ACAN: variants seen among roughly 807,000 people sequenced by gnomAD.
ACAN encodes the protein aggrecan core protein.
ACAN carries 47 observed loss-of-function variants against 169.1 expected under a neutral mutation model. The observed-to-expected ratio is 0.28, with a 90% CI of 0.22 to 0.35. The LOEUF is 0.35. Among genes scored for constraint, ACAN ranks in the 10% least tolerant of loss-of-function variants. The pLI is 1.00. For missense variants in ACAN, 2,716 were observed against 2,759.9 expected (o/e 0.98, Z 0.36); for synonymous variants, 1,115 against 1,112.2 (o/e 1.00, Z -0.05).
chr15:88,816,651 C>G (rs1237035041), intron 1 of ACAN, among the ~76,000 whole-genome samples: 1 of 152,182 alleles, frequency 6.6e-6, no homozygotes, highest in African/African-American at 2.4e-5. Flanking sequence ...CCTGGCTGTT[C>G]CATGCACTAT....
At chr15:88,853,753 G>C (rs4932437) in intron 11 of ACAN, among the ~76,000 whole-genome samples, 27,814 of 150,042 alleles carry the variant, frequency 0.19, 3,012 homozygotes, top group African/African-American at 0.31. Context: ...TAGATAGATA[G>C]ATACATACAT....
rs1596111760 is a variant in ACAN at position 88,812,395 on chromosome 15, C to G, written c.-8+8586C>G. Among the ~76,000 whole-genome samples, 7 of 152,318 alleles carry G rather than the reference C, an allele frequency of 4.6e-5. 1 individual carries two copies. The South Asian group carries it at 1.5e-3, about 32-fold the overall frequency. On this transcript the variant is annotated intron_variant, in intron 1 of 18. Coordinates refer to ENST00000560601, the MANE Select transcript of ACAN (RefSeq NM_001369268.1). ...TATTTGCATATTTCCTCTCAGCCCC[C>G]TGGGGATTGCAGAGGCATTTAGAAG...
At position 88,849,292 on chromosome 15, in the gene ACAN, G is replaced by C; in HGVS notation, c.1733-146G>C. 2.6e-6 allele frequency: 2 copies of C among 758,836 alleles called. No individual in the cohort carries two copies. Among genetic ancestry groups the C allele is most frequent in the Non-Finnish European group, 4.1e-6 (2 of 490,334 alleles). 47.0% of individuals were successfully genotyped at this position (758,836 alleles called of 1,614,324 possible). A position where few individuals can be genotyped will look rare whatever the true frequency, so the allele number is the denominator to read the frequency against. ...TTCCCAGGGTCCCAGAAAATCTAAG[G>C]GGGAGTGGTCAAAAAAGGGGTGATG... On this transcript the variant is annotated intron_variant, in intron 9 of 18. Coordinates refer to ENST00000560601, the MANE Select transcript of ACAN (RefSeq NM_001369268.1). The surrounding 1 kb of genome is among the most constrained non-coding windows in gnomAD (Gnocchi z 5.1).
chr15:88,818,010 T>C (rs1243220850), intron 1 of ACAN, among the ~76,000 whole-genome samples: 1 of 152,168 alleles, frequency 6.6e-6, no homozygotes, highest in Non-Finnish European at 1.5e-5. Flanking sequence ...AGAATGGAAT[T>C]GTATTCTATG....
In ACAN at chr15:88,859,155, G is replaced by A. The variant is rs529706918; in HGVS notation, c.6570G>A (p.Thr2190=). 40 of 1,613,796 alleles carry A rather than the reference G, an allele frequency of 2.5e-5. No homozygotes were observed. The Admixed American group carries it at 3.3e-4, about 13-fold the overall frequency. Residue 2190 remains threonine (T), a synonymous_variant, in exon 12 of 19, where the codon ACG becomes ACA. Coordinates refer to ENST00000560601, the MANE Select transcript of ACAN (RefSeq NM_001369268.1). ...EAPGLPSATP[T]ASGDRTEISG... ...CAGGCTTGCCTTCAGCCACTCCCAC[G>A]GCTTCTGGAGACAGGACTGAAATCA...
intron 1 of ACAN, among the ~76,000 whole-genome samples, chr15:88,827,071 T>C (rs67267535): frequency 0.041 from 6,184 of 152,220 alleles, 151 homozygotes; most frequent in South Asian, 0.09. Flanking sequence ...GTTCCTGACA[T>C]ACAGCAGGCC....
chr15:88,827,171 AG>A (rs368386992), intron 1 of ACAN, among the ~76,000 whole-genome samples: 2 of 152,094 alleles, frequency 1.3e-5, no homozygotes, highest in Non-Finnish European at 2.9e-5. Flanking sequence ...GAAGATAGAG[AG>A]GGGGTGACTG....
At chr15:88,817,358 G>A (rs1596115163) in intron 1 of ACAN, among the ~76,000 whole-genome samples, 1 of 152,136 alleles carries the variant, frequency 6.6e-6, no homozygotes, top group East Asian at 1.9e-4. Flanking sequence ...TAGCCAGAAT[G>A]GTCTTGCTCT....
intron 1 of ACAN, among the ~76,000 whole-genome samples, chr15:88,805,885 G>T (rs1306171794): frequency 1.3e-5 from 2 of 151,976 alleles, no homozygotes; most frequent in African/African-American, 2.4e-5. Context: ...ACACCCACAC[G>T]CCCAATCCCA....
chr15:88,857,299 G>A lies in ACAN; in HGVS notation c.4714G>A (p.Gly1572Arg). 1 of 1,613,958 alleles carries A rather than the reference G, an allele frequency of 6.2e-7. No homozygotes were observed. Among genetic ancestry groups the A allele is most frequent in the East Asian group, 2.2e-5 (1 of 44,886 alleles). The change falls in exon 12 of 19, where the codon GGA becomes AGA. Residue 1572 changes from glycine (G) to arginine (R), a missense_variant. Gly to Arg is a moderately radical substitution (Grantham distance 125). This residue lies in a region of ACAN where 1,389 missense variants were observed against 1,363.7 expected (regional missense o/e 1.02). Transcript: ENST00000560601. Reference sequence around the variant, plus strand: ...GACTGACCTCAGTGGGCTTCCTTCTGGAAGGGAGGGTCTAGAGACTTCAGC... The same window carrying A: ...GACTGACCTCAGTGGGCTTCCTTCTAGAAGGGAGGGTCTAGAGACTTCAGC... ...VGTDLSGLPSGREGLETSASG... is the reference protein window; with the variant it reads ...VGTDLSGLPSRREGLETSASG...
Position 88,871,419 on chromosome 15 carries a change from G to A in ACAN, c.7098G>A (p.Gln2366=). Residue 2366 remains glutamine (Q), a synonymous_variant, in exon 15 of 19, where the codon CAG becomes CAA. Coordinates refer to ENST00000560601, the MANE Select transcript of ACAN (RefSeq NM_001369268.1). The surrounding 1 kb of genome is among the most constrained non-coding windows in gnomAD (Gnocchi z 7.8). ...EVCEEGWNKY[Q]GHCYRHFPDR... Reference sequence around the variant, plus strand: ...GTGAGGAGGGCTGGAACAAGTACCAGGGCCACTGTTACCGCCACTTCCCGG... The same window carrying A: ...GTGAGGAGGGCTGGAACAAGTACCAAGGCCACTGTTACCGCCACTTCCCGG... 3 of 1,613,966 alleles carry A rather than the reference G, an allele frequency of 1.9e-6. No individual in the cohort carries two copies. Among genetic ancestry groups the A allele is most frequent in the African/African-American group, 1.3e-5 (1 of 75,062 alleles).
chr15:88,840,287 A>G (rs1383571931), intron 4 of ACAN, 101 bp downstream of exon 4: 1 of 1,382,522 alleles, frequency 7.2e-7, no homozygotes, highest in Non-Finnish European at 9.6e-7. Flanking sequence ...AGCTGGTGCC[A>G]GCATGACACT....
At chr15:88,845,917 G>A in intron 7 of ACAN, 35 bp downstream of exon 7, 1 of 1,439,478 alleles carries the variant, frequency 6.9e-7, no homozygotes, top group Non-Finnish European at 9.1e-7. Flanking sequence ...CCAGGGGCAG[G>A]TGGAGAGAAC....
rs1454877447 is a variant in ACAN at position 88,849,675 on chromosome 15, C to T, written c.1970C>T (p.Pro657Leu). The change falls in exon 10 of 19, where the codon CCT becomes CTT. Residue 657 changes from proline (P) to leucine (L), a missense_variant. Pro to Leu is a moderately conservative substitution (Grantham distance 98). Around this residue, in one of 3 missense-constraint regions of ACAN, gnomAD observed 1,283 missense variants for 1,281.5 expected, o/e 1.00. Coordinates refer to ENST00000560601, the MANE Select transcript of ACAN (RefSeq NM_001369268.1). The surrounding 1 kb of genome is among the most constrained non-coding windows in gnomAD (Gnocchi z 5.1). ...KPGVRTVYLY[P>L]NQTGLPDPLS... Reference sequence around the variant, plus strand: ...GGCGTGAGAACGGTCTACCTCTACCCTAACCAGACGGGCCTCCCAGACCCA... The same window carrying T: ...GGCGTGAGAACGGTCTACCTCTACCTTAACCAGACGGGCCTCCCAGACCCA... The T allele has an allele frequency of 1.2e-6, 2 of 1,613,716 alleles. No individual in the cohort carries two copies. Among genetic ancestry groups the T allele is most frequent in the Non-Finnish European group, 1.7e-6 (2 of 1,179,886 alleles).
Position 88,847,264 on chromosome 15 carries a change from C to A in ACAN, c.1451C>A (p.Pro484Gln). The change falls in exon 8 of 19, where the codon CCG becomes CAG. Residue 484 changes from proline (P) to glutamine (Q), a missense_variant. Physicochemically the swap from Pro to Gln is moderately conservative, Grantham distance 76. Coordinates refer to ENST00000560601, the MANE Select transcript of ACAN (RefSeq NM_001369268.1). ...LPGGVVFHYRPGPTRYSLTFE... is the reference protein window; with the variant it reads ...LPGGVVFHYRQGPTRYSLTFE... ...CCAGGGGTCGTCTTCCACTACCGCC[C>A]GGGACCCACCCGCTACTCGCTGACC... 6.4e-7 allele frequency: 1 copy of A among 1,560,140 alleles called. No individual in the cohort carries two copies. Among genetic ancestry groups the A allele is most frequent in the East Asian group, 2.4e-5 (1 of 41,752 alleles).
At chr15:88,819,911 T>C (rs1896031693) in intron 1 of ACAN, among the ~76,000 whole-genome samples, 2 of 152,072 alleles carry the variant, frequency 1.3e-5, no homozygotes, top group Admixed American at 1.3e-4. Flanking sequence ...GGGAACTAGT[T>C]GAGAGCCCAG....
At position 88,873,042 on chromosome 15, in the gene ACAN, G is replaced by A; in HGVS notation, c.7447+17G>A. On this transcript the variant is annotated intron_variant, in intron 17 of 18. Coordinates refer to ENST00000560601, the MANE Select transcript of ACAN (RefSeq NM_001369268.1). The surrounding 1 kb of genome is among the most constrained non-coding windows in gnomAD (Gnocchi z 7.5). ...AGGGCACAGGTAAGCTGGCGCCTGG[G>A]AGGGGTCAGGGGAGGATAGGATCAA... 2.5e-6 allele frequency: 4 copies of A among 1,609,632 alleles called. No homozygotes were observed. The highest frequency in any genetic ancestry group is 2.5e-6 in the Non-Finnish European group (3 of 1,177,974).
intron 1 of ACAN, among the ~76,000 whole-genome samples, chr15:88,808,070 T>C (rs1320456447): frequency 6.6e-6 from 1 of 152,098 alleles, no homozygotes; most frequent in Admixed American, 6.5e-5. Context: ...CTGTAATTGA[T>C]TTGACTGGAG....
chr15:88,837,843 G>A (rs1896542936), intron 2 of ACAN, among the ~76,000 whole-genome samples: 1 of 149,254 alleles, frequency 6.7e-6, no homozygotes, highest in African/African-American at 2.5e-5. Flanking sequence ...AGGCCCCCAT[G>A]AAAGAACAGG....
Sources: allele counts gnomAD v4.1 joint callset (sites outside exome capture counted in the v4.1 genomes callset), GRCh38; gene constraint gnomAD v4.1.1; regional missense constraint gnomAD v4.1.1; non-coding constraint Gnocchi (gnomAD v3.1); transcripts MANE v1.5; gene names NCBI Gene and HGNC (gene_info 2026-07-23, HGNC 2026-07-21).